Variants in ANK2 observed in about 807,000 individuals in gnomAD.
ANK2 encodes ankyrin 2.
A neutral mutation model predicts 360.5 loss-of-function variants in ANK2; 83 were observed. The observed-to-expected ratio is 0.23, with a 90% CI of 0.19 to 0.28. The LOEUF (loss-of-function observed/expected upper bound fraction) is 0.28, where lower values mean the gene tolerates loss of function less well. ANK2 is among the 10% of genes least tolerant of loss of function. The pLI is 1.00. For synonymous variants in ANK2, 1,740 were observed against 1,759.5 expected (o/e 0.99, Z 0.28); for missense variants, 4,201 against 4,795.7 (o/e 0.88, Z 3.66).
rs916326633 is a variant in ANK2 at position 112,996,901 on chromosome 4, C to A, written c.21+92387C>A. ...CTCTACCTCCCCGATCCCCAGCCCC[C>A]TACTACCTTTCCCAGCCTCTGGTAA... On this transcript the variant is annotated intron_variant, in intron 2 of 30. Transcript: ENST00000503271. 3.9e-5 allele frequency among the ~76,000 whole-genome samples: 6 copies of A among 152,096 alleles called. No individual in the cohort carries two copies. In the South Asian group the frequency reaches 1.2e-3, roughly 32 times the overall value.
intron 1 of ANK2, among the ~76,000 whole-genome samples, chr4:112,853,023 T>C (rs1162763975): frequency 6.6e-6 from 1 of 152,208 alleles, no homozygotes; most frequent in African/African-American, 2.4e-5. Context: ...AGTAGCATGA[T>C]CATGGCTCGC....
At chr4:113,237,455 T>G in intron 6 of ANK2, 144 bp from the exon 7 acceptor site, 1 of 860,524 alleles carries the variant, frequency 1.2e-6, no homozygotes. Flanking sequence ...TTGTATTGTG[T>G]GGTGCTTGGG....
chr4:113,015,147 C>T (rs1432397425), intron 2 of ANK2, among the ~76,000 whole-genome samples: 4 of 152,228 alleles, frequency 2.6e-5, no homozygotes, highest in African/African-American at 7.2e-5. Flanking sequence ...CGTGAGCCAC[C>T]GCGCCCGGCC....
intron 2 of ANK2, among the ~76,000 whole-genome samples, chr4:112,925,210 G>A (rs2092371713): frequency 6.6e-6 from 1 of 152,160 alleles, no homozygotes; most frequent in African/African-American, 2.4e-5. Flanking sequence ...GTAAATTACA[G>A]TAGTGAAAAT....
chr4:112,791,476 C>CTTTTTTTTTTTT, the ANK2 span, among the ~76,000 whole-genome samples: 2 of 98,276 alleles, frequency 2.0e-5, no homozygotes, highest in Admixed American at 1.2e-4. Flanking sequence ...TCTTCTTCTT[C>CTTTTTTTTTTTT]TTCTTTTTTT....
intron 23 of ANK2, among the ~76,000 whole-genome samples, chr4:113,305,296 C>T (rs573932086): frequency 2.9e-5 from 4 of 138,808 alleles, no homozygotes; most frequent in Non-Finnish European, 4.5e-5. Flanking sequence ...GCCGAGATCC[C>T]GCCACTGCAC....
chr4:112,749,011 G>A, the ANK2 span, among the ~76,000 whole-genome samples: 1 of 152,028 alleles, frequency 6.6e-6, no homozygotes, highest in Non-Finnish European at 1.5e-5. Context: ...GCCATTCTCG[G>A]GCCTCGGCCT....
chr4:113,227,982 A>G (rs1047714769), intron 4 of ANK2, among the ~76,000 whole-genome samples: 1 of 152,190 alleles, frequency 6.6e-6, no homozygotes, highest in African/African-American at 2.4e-5. Flanking sequence ...TGGATATAAC[A>G]GAAGCTCAAT....
intron 2 of ANK2, among the ~76,000 whole-genome samples, chr4:113,195,001 A>G (rs187801521): frequency 6.6e-6 from 1 of 152,278 alleles, no homozygotes; most frequent in East Asian, 1.9e-4. Flanking sequence ...GCTGGCAGTG[A>G]ATCTATACCT....
intron 4 of ANK2, among the ~76,000 whole-genome samples, chr4:113,209,770 C>T (rs1283744537): frequency 7.9e-5 from 12 of 151,930 alleles, no homozygotes; most frequent in African/African-American, 4.8e-5. Flanking sequence ...TATCTTGAAG[C>T]GGAGGACTTA....
chr4:113,194,951 A>G (rs1435321751), intron 2 of ANK2, among the ~76,000 whole-genome samples: 1 of 152,162 alleles, frequency 6.6e-6, no homozygotes, highest in East Asian at 1.9e-4. Flanking sequence ...CAGTGAAACT[A>G]TAACCTGACA....
At chr4:112,967,193 C>T (rs1022678835) in intron 2 of ANK2, among the ~76,000 whole-genome samples, 1 of 152,074 alleles carries the variant, frequency 6.6e-6, no homozygotes. Flanking sequence ...GAGGAGGGTG[C>T]GATTTGTGAG....
intron 1 of ANK2, chr4:112,827,281 CATT>C (rs764000695): frequency 7.6e-6 from 8 of 1,056,070 alleles, no homozygotes; most frequent in East Asian, 7.1e-5. Context: ...AGCCAAGAGT[CATT>C]GTAATAAAGA....
At chr4:112,999,570 A>G (rs28619323) in intron 2 of ANK2, among the ~76,000 whole-genome samples, 25,296 of 151,876 alleles carry the variant, frequency 0.17, 2,057 homozygotes, top group African/African-American at 0.21. Flanking sequence ...GTCTTGGTTC[A>G]CTAAAACTTT....
At chr4:112,827,083 C>A in intron 1 of ANK2, 1 of 1,154,028 alleles carries the variant, frequency 8.7e-7, no homozygotes, top group Admixed American at 1.7e-5. Context: ...CCATGCAACA[C>A]AGGAAAAATT....
intron 1 of ANK2, among the ~76,000 whole-genome samples, chr4:113,171,467 C>T (rs2097947358): frequency 6.6e-6 from 1 of 152,274 alleles, no homozygotes; most frequent in South Asian, 2.1e-4. Context: ...TTATTTCTGT[C>T]TTTGGAATTT....
intron 14 of ANK2, among the ~76,000 whole-genome samples, chr4:113,268,911 C>T (rs11937675): frequency 0.045 from 6,842 of 152,156 alleles, 208 homozygotes; most frequent in African/African-American, 0.083. Context: ...TAATTACTGC[C>T]TCAATTTTAG....
In ANK2 at chr4:112,990,623, A is replaced by G. The variant is rs550708205; in HGVS notation, c.21+86109A>G. Among the ~76,000 whole-genome samples the G allele has an allele frequency of 2.6e-5, 4 of 152,304 alleles. No homozygotes were observed. In the East Asian group the frequency reaches 7.7e-4, roughly 29 times the overall value. ...TATTTCATGTTTTTAAATGATAGGC[A>G]TTTCAAGAAAAGAAGATACCAATTT... is the stretch of plus-strand genomic sequence containing the variant. On this transcript the variant is annotated intron_variant, in intron 2 of 30. Transcript: ENST00000503271.
At chr4:113,322,993 G>A (rs931668600) in intron 26 of ANK2, among the ~76,000 whole-genome samples, 1 of 152,040 alleles carries the variant, frequency 6.6e-6, no homozygotes, top group African/African-American at 2.4e-5. Flanking sequence ...AGTAAGGTTG[G>A]ATTTCCGGTC....
Sources: gnomAD v4.1 joint callset for allele counts (sites outside exome capture counted in the v4.1 genomes callset) on GRCh38, gnomAD v4.1.1 for gene constraint, MANE v1.5 for transcripts, NCBI Gene and HGNC (gene_info 2026-07-23, HGNC 2026-07-21) for gene names.